Variants in NLGN3 observed in about 807,000 individuals in gnomAD.
The protein encoded by NLGN3 is neuroligin-3.
NLGN3 carries 11 observed loss-of-function variants against 42.9 expected under a neutral mutation model. The ratio of observed to expected loss-of-function variants is 0.26; its 90% CI spans 0.16 to 0.42. NLGN3 has a LOEUF of 0.42. Among genes scored for constraint, NLGN3 ranks in the 10% least tolerant of loss-of-function variants. The probability of loss-of-function intolerance (pLI) is 1.00; values close to 1 mark genes in which losing one functional copy is unlikely to be tolerated. For synonymous variants in NLGN3, 279 were observed against 312.7 expected, an observed-to-expected ratio of 0.89 and a Z score of 1.14; for missense variants, 374 against 733.8, an observed-to-expected ratio of 0.51 and a Z score of 5.67.
rs1030996644 is a variant in NLGN3 at position 71,148,923 on chromosome X, G to C, written c.517+18G>C. 9 of 1,028,535 alleles carry C rather than the reference G, an allele frequency of 8.8e-6. No homozygotes were observed. The highest frequency in any genetic ancestry group is 1.0e-5 in the Non-Finnish European group (8 of 773,012). 84.8% of individuals were successfully genotyped at this position (1,028,535 alleles called of 1,213,427 possible). ...GAAAGGAGGTAGGTAGCGAGCCGGC[G>C]GGGAGGGAGAGAGAGAGAGAGGGAG... On this transcript the variant is annotated intron_variant, in intron 3 of 7. Transcript: ENST00000358741.
In NLGN3 at chrX:71,167,052, T is replaced by A; in HGVS notation, c.955T>A (p.Ser319Thr). 1 of 1,208,175 alleles carries A rather than the reference T, an allele frequency of 8.3e-7. No homozygotes were observed. Among genetic ancestry groups the A allele is most frequent in the Non-Finnish European group, 1.1e-6 (1 of 893,593 alleles). Reference sequence around the variant, plus strand: ...CATCATCCAAAGTGGCTCTGCTCTGTCCAGCTGGGCTGTGAACTACCAACC... The same window carrying A: ...CATCATCCAAAGTGGCTCTGCTCTGACCAGCTGGGCTGTGAACTACCAACC... ...RAIIQSGSAL[S>T]SWAVNYQPVK... Residue 319 changes from serine (S) to threonine (T), a missense_variant, in exon 7 of 8, where the codon TCC (serine) becomes ACC (threonine). This residue lies in a region of NLGN3 where 142 missense variants were observed against 359.1 expected (regional missense o/e 0.40). Transcript: ENST00000358741.
chrX:71,165,716 T>A (rs1316172750), intron 6 of NLGN3, among the ~76,000 whole-genome samples: 2 of 110,427 alleles, frequency 1.8e-5, no homozygotes, highest in Non-Finnish European at 3.8e-5. Context: ...TTTTTTTTTG[T>A]AGAGACAGGT....
At chrX:71,153,572 T>C in intron 4 of NLGN3, 36 bp downstream of exon 4, 3 of 1,130,575 alleles carry the variant, frequency 2.7e-6, no homozygotes, top group Non-Finnish European at 3.6e-6. Flanking sequence ...GGCTGGTGCA[T>C]GGCACAGAGC....
chrX:71,155,222 G>A lies in NLGN3; in HGVS notation c.586G>A (p.Asp196Asn), dbSNP rs765121384. The A allele has an allele frequency of 9.1e-6, 11 of 1,210,538 alleles. No individual in the cohort carries two copies. The highest frequency in any genetic ancestry group is 1.2e-5 in the Non-Finnish European group (11 of 895,228). ...NDGDEDEDIR[D>N]SGAKPVMVYI... ...ACCCCTTCTCCTTGCAGACATCCGG[G>A]ACAGTGGTGCTAAACCCGTCATGGT... The change falls in exon 5 of 8, where the codon GAC becomes AAC. Residue 196 changes from aspartate (D) to asparagine (N), a missense_variant. Asp to Asn is a conservative substitution (Grantham distance 23, BLOSUM62 1). This residue lies in a region of NLGN3 where 109 missense variants were observed against 173.3 expected (regional missense o/e 0.63). Transcript: ENST00000358741.
At chrX:71,152,373 G>A (rs1376884034) in intron 3 of NLGN3, among the ~76,000 whole-genome samples, 2 of 107,677 alleles carry the variant, frequency 1.9e-5, no homozygotes, top group East Asian at 5.8e-4. Context: ...CCCCCTACAT[G>A]CCCCACTGCT....
chrX:71,159,890 A>ATT (rs748275369), intron 5 of NLGN3, among the ~76,000 whole-genome samples: 699 of 50,404 alleles, frequency 0.014, 19 homozygotes, highest in African/African-American at 0.055. Flanking sequence ...ACGCCCAGCT[A>ATT]TTTTTTTTTT....
chrX:71,169,811 A>C lies in NLGN3; in HGVS notation c.2261A>C (p.Glu754Ala). The change falls in exon 8 of 8, where the codon GAG becomes GCG. Residue 754 changes from glutamate to alanine, a missense_variant. Coordinates refer to ENST00000358741, the MANE Select transcript of NLGN3 (RefSeq NM_181303.2). ...PSPQRGAGAPELGAAPEEELA... is the reference protein window; with the variant it reads ...PSPQRGAGAPALGAAPEEELA... ...CCTCAGCGGGGAGCCGGGGCCCCGG[A>C]GTTGGGAGCTGCTCCAGAGGAGGAG... is the stretch of plus-strand genomic sequence containing the variant. The C allele has an allele frequency of 4.1e-6, 5 of 1,207,029 alleles. No homozygotes were observed. Among genetic ancestry groups the C allele is most frequent in the Non-Finnish European group, 5.6e-6 (5 of 893,030 alleles).
chrX:71,168,902 GAA>G (rs1188572397), intron 7 of NLGN3, among the ~76,000 whole-genome samples: 1 of 107,754 alleles, frequency 9.3e-6, no homozygotes, highest in East Asian at 2.9e-4. Flanking sequence ...AAGAAAGAAA[GAA>G]AAAGAGACTT....
chrX:71,150,722 A>G (rs2092388307), intron 3 of NLGN3, among the ~76,000 whole-genome samples: 1 of 107,473 alleles, frequency 9.3e-6, no homozygotes, highest in Non-Finnish European at 1.9e-5. Context: ...AAAAAAAAAA[A>G]GAAAGAAAAG....
At chrX:71,157,602 G>C (rs956801361) in intron 5 of NLGN3, among the ~76,000 whole-genome samples, 1 of 111,225 alleles carries the variant, frequency 9.0e-6, no homozygotes, top group African/African-American at 3.3e-5. Flanking sequence ...GGGATTACAG[G>C]CATGAGCCAC....
chrX:71,152,475 C>T (rs1294973320), intron 3 of NLGN3, among the ~76,000 whole-genome samples: 1 of 110,614 alleles, frequency 9.0e-6, no homozygotes, highest in East Asian at 2.8e-4. Flanking sequence ...TGGAGTCAAG[C>T]AGACCTGGGT....
At position 71,163,160 on chromosome X, in the gene NLGN3, C is replaced by G. The variant is rs773799887; in HGVS notation, c.728-983C>G. 2.7e-5 allele frequency among the ~76,000 whole-genome samples: 3 copies of G among 110,577 alleles called. No individual in the cohort carries two copies. In the East Asian group the frequency reaches 8.5e-4, roughly 31 times the overall value. On this transcript the variant is annotated intron_variant, in intron 5 of 7. Coordinates refer to ENST00000358741, the MANE Select transcript of NLGN3 (RefSeq NM_181303.2). ...AAGTCTCCACAGCAGCAAATCCCAG[C>G]AGGTGGGTGGGAAGGTAGTCTCCAT... is the stretch of plus-strand genomic sequence containing the variant.
chrX:71,171,597 G>C (rs1034126560), downstream of NLGN3: 61 of 633,922 alleles, frequency 9.6e-5, no homozygotes, highest in Non-Finnish European at 1.0e-4. Flanking sequence ...TGGACTGGGG[G>C]CTGGGAGGAG....
intron 5 of NLGN3, among the ~76,000 whole-genome samples, chrX:71,163,788 A>G (rs1487217220): frequency 1.8e-5 from 2 of 111,865 alleles, no homozygotes; most frequent in Non-Finnish European, 3.8e-5. Context: ...TTTCCATTCT[A>G]TCTTGCCAGA....
downstream of NLGN3, chrX:71,171,636 T>C: frequency 1.3e-6 from 1 of 749,484 alleles, no homozygotes; most frequent in Non-Finnish European, 1.6e-6. Flanking sequence ...TGAAATTCTT[T>C]CTCCTATCTG....
At chrX:71,145,925 TACAC>T (rs1298313061) in intron 1 of NLGN3, among the ~76,000 whole-genome samples, 1 of 47,614 alleles carries the variant, frequency 2.1e-5, no homozygotes, top group Non-Finnish European at 3.7e-5. Flanking sequence ...CCCCCCCCAA[TACAC>T]ACACCCACCC....
chrX:71,149,453 G>A (rs2092383017), intron 3 of NLGN3, among the ~76,000 whole-genome samples: 1 of 111,555 alleles, frequency 9.0e-6, no homozygotes, highest in Non-Finnish European at 1.9e-5. Context: ...AGAACTTGGG[G>A]GTCTCTGGGA....
intron 2 of NLGN3, 110 bp from the exon 3 acceptor site, chrX:71,148,736 G>T (rs1412295716): frequency 6.6e-6 from 4 of 610,104 alleles, no homozygotes; most frequent in Non-Finnish European, 9.8e-6. Flanking sequence ...CAGGCTCTCT[G>T]CCATGTGCCG....
rs756256945 is a variant in NLGN3, at chrX:71,147,986, C to A, written c.237C>A (p.Ile79=). 8.3e-7 allele frequency: 1 copy of A among 1,205,286 alleles called. No homozygotes were observed. The highest frequency in any genetic ancestry group is 1.8e-5 in the African/African-American group (1 of 56,810). Residue 79 remains isoleucine, a synonymous_variant, in exon 2 of 8, where the codon ATC becomes ATA. Transcript: ENST00000358741. The part of the protein sequence containing the change: ...YLGVPYAAPP[I]GEKRFLPPEP... The stretch of plus-strand genomic sequence containing the variant: ...GGGTGCCCTACGCAGCTCCCCCGAT[C>A]GGCGAGAAACGTTTCCTGCCCCCTG...
Sources: gnomAD v4.1 joint callset for allele counts (sites outside exome capture counted in the v4.1 genomes callset) on GRCh38, gnomAD v4.1.1 for gene constraint, gnomAD v4.1.1 regional missense constraint, MANE v1.5 for transcripts, NCBI Gene and HGNC (gene_info 2026-07-23, HGNC 2026-07-21) for gene names.